PLAUR: variants seen among roughly 807,000 people sequenced by gnomAD.
PLAUR encodes the protein plasminogen activator, urokinase receptor.
PLAUR carries 22 observed loss-of-function variants against 33.4 expected under a neutral mutation model. That is an observed-to-expected ratio of 0.66 (90% CI 0.47 to 0.94). The LOEUF (loss-of-function observed/expected upper bound fraction) is 0.94. Ranked by LOEUF, PLAUR falls within the 40% of genes least tolerant of loss-of-function variation. The pLI is 0.00. For missense variants in PLAUR, 408 were observed against 434.7 expected (o/e 0.94, Z 0.55); for synonymous variants, 148 against 167.3 (o/e 0.88, Z 0.89).
intron 3 of PLAUR, among the ~76,000 whole-genome samples, chr19:43,657,745 A>C (rs1337968226): frequency 6.6e-6 from 1 of 152,216 alleles, no homozygotes; most frequent in Non-Finnish European, 1.5e-5. Flanking sequence ...ACTGTGTCCC[A>C]ACACCACCTG....
At chr19:43,660,169 G>GTTTTA (rs1416238242) in intron 3 of PLAUR, among the ~76,000 whole-genome samples, 1 of 151,162 alleles carries the variant, frequency 6.6e-6, no homozygotes, top group Non-Finnish European at 1.5e-5. Context: ...GTTTTGTTTT[G>GTTTTA]TTTTGTTTTG....
intron 6 of PLAUR, among the ~76,000 whole-genome samples, chr19:43,649,746 GAAA>G (rs145123727): frequency 6.6e-6 from 1 of 150,642 alleles, no homozygotes; most frequent in Non-Finnish European, 1.5e-5. Context: ...GAAAAGGAAA[GAAA>G]AAAAAAGAAA....
At chr19:43,655,212 G>A (rs762171131) in intron 5 of PLAUR, among the ~76,000 whole-genome samples, 61 of 132,976 alleles carry the variant, frequency 4.6e-4, no homozygotes, top group Middle Eastern at 4.3e-3. Context: ...GTGAGGCGAA[G>A]TTTACAGTGA....
chr19:43,666,286 A>G (rs1015990376), intron 2 of PLAUR, among the ~76,000 whole-genome samples: 23 of 152,110 alleles, frequency 1.5e-4, no homozygotes, highest in African/African-American at 5.3e-4. Flanking sequence ...ATATTCTGCA[A>G]CATTTTTTTC....
At chr19:43,662,732 T>C (rs1340457650) in intron 3 of PLAUR, among the ~76,000 whole-genome samples, 3 of 151,680 alleles carry the variant, frequency 2.0e-5, no homozygotes, top group Non-Finnish European at 4.4e-5. Context: ...TTTTTTTTTT[T>C]TTTGCAGGAT....
chr19:43,670,092 A>G lies in PLAUR; in HGVS notation c.29T>C (p.Leu10Pro). The G allele has an allele frequency of 6.2e-7, 1 of 1,612,744 alleles. No homozygotes were observed. The highest frequency in any genetic ancestry group is 8.5e-7 in the Non-Finnish European group (1 of 1,179,592). Residue 10 changes from leucine to proline, a missense_variant, in exon 1 of 7, where the codon CTG becomes CCG. Transcript: ENST00000340093. MGHPPLLPL[L>P]LLLHTCVPAS... Reference sequence around the variant, plus strand: ...TGGGACGCAGGTGTGGAGCAGCAGCAGCAGCGGCAGCAGCGGCGGGTGACC... The same window carrying G: ...TGGGACGCAGGTGTGGAGCAGCAGCGGCAGCGGCAGCAGCGGCGGGTGACC...
intron 3 of PLAUR, among the ~76,000 whole-genome samples, chr19:43,658,044 A>G (rs1600128316): frequency 6.9e-6 from 1 of 145,286 alleles, no homozygotes; most frequent in Non-Finnish European, 1.5e-5. Context: ...CTTTAAATTA[A>G]AAAAAAAAAA....
At chr19:43,646,612 A>G, downstream of PLAUR, 4 of 706,382 alleles carry the variant, frequency 5.7e-6, no homozygotes, top group Non-Finnish European at 1.1e-5. Flanking sequence ...TAGCACAGCA[A>G]AACTTCCACC....
chr19:43,662,948 C>T (rs1175862992), intron 3 of PLAUR, among the ~76,000 whole-genome samples: 1 of 152,108 alleles, frequency 6.6e-6, no homozygotes, highest in Non-Finnish European at 1.5e-5. Flanking sequence ...ACCTGGGCCT[C>T]CCAAAGTGTT....
chr19:43,656,643 G>A lies in PLAUR; in HGVS notation c.311-3C>T, dbSNP rs201907182. ...TCGGGAATAGGTGACAGCCCGGCCT[G>A]TTTGGAAGAGGGGGAGGGGAGTGAG... On this transcript the variant is annotated splice_region_variant and splice_polypyrimidine_tract_variant and intron_variant, in intron 3 of 6. Coordinates refer to ENST00000340093, the MANE Select transcript of PLAUR (RefSeq NM_002659.4). 106 of 1,587,942 alleles carry A rather than the reference G, an allele frequency of 6.7e-5. No individual in the cohort carries two copies. The highest frequency in any genetic ancestry group is 4.8e-4 in the Admixed American group (28 of 57,844).
chr19:43,656,704 A>G (rs1974229612), intron 3 of PLAUR, 64 bp from the exon 4 acceptor site: 1 of 1,366,804 alleles, frequency 7.3e-7, no homozygotes, highest in African/African-American at 1.5e-5. Context: ...CCAGCTCTGC[A>G]AGGACTCACT....
intron 3 of PLAUR, among the ~76,000 whole-genome samples, chr19:43,659,103 C>T (rs1368114017): frequency 6.6e-6 from 1 of 151,052 alleles, no homozygotes. Context: ...ACTCATGGGT[C>T]TCTGGTGTGA....
Position 43,670,116 on chromosome 19 carries a change from C to G in PLAUR, c.5G>C (p.Gly2Ala). The G allele has an allele frequency of 6.2e-7, 1 of 1,610,440 alleles. No homozygotes were observed. The highest frequency in any genetic ancestry group is 1.1e-5 in the South Asian group (1 of 91,002). Residue 2 changes from glycine to alanine, a missense_variant, in exon 1 of 7, where the codon GGT (glycine) becomes GCT (alanine). Coordinates refer to ENST00000340093, the MANE Select transcript of PLAUR (RefSeq NM_002659.4). Reference protein sequence around the residue: MGHPPLLPLLLL... With the variant: MAHPPLLPLLLL... ...CAGCAGCGGCAGCAGCGGCGGGTGA[C>G]CCATGTCGCGAGGGCAGCTCCTGTG...
At position 43,648,745 on chromosome 19, in the gene PLAUR, G is replaced by A; in HGVS notation, c.*145C>T. The A allele has an allele frequency of 1.0e-6, 1 of 975,752 alleles. No individual in the cohort carries two copies. The highest frequency in any genetic ancestry group is 1.5e-6 in the Non-Finnish European group (1 of 663,076). The allele number at this position is 975,752 out of a possible 1,614,324, so 60.4% of individuals were successfully genotyped here. The stretch of plus-strand genomic sequence containing the variant: ...CTGCTTCACACAACTTTGTGAGATA[G>A]CTGTTTTCATAGCTGGGAAAACTGA... On this transcript the variant is annotated 3_prime_UTR_variant, in exon 7 of 7. Coordinates refer to ENST00000340093, the MANE Select transcript of PLAUR (RefSeq NM_002659.4).
intron 3 of PLAUR, chr19:43,660,408 T>C (rs409337): frequency 0.47 from 70,430 of 150,444 alleles, 18,281 homozygotes; most frequent in Non-Finnish European, 0.59. Flanking sequence ...CTCCTGACCT[T>C]GTAATCCTCC....
At chr19:43,656,917 C>A (rs1974237845) in intron 3 of PLAUR, 2 of 280,212 alleles carry the variant, frequency 7.1e-6, no homozygotes, top group Non-Finnish European at 6.7e-6. Context: ...AGCATCTCCA[C>A]ATGGCCCTAG....
rs2146304882 is a variant in PLAUR at position 43,670,115 on chromosome 19, A to G, written c.6T>C (p.Gly2=). The change falls in exon 1 of 7, where the codon GGT becomes GGC. Residue 2 remains glycine (G), a synonymous_variant. Coordinates refer to ENST00000340093, the MANE Select transcript of PLAUR (RefSeq NM_002659.4). ...GCAGCAGCGGCAGCAGCGGCGGGTG[A>G]CCCATGTCGCGAGGGCAGCTCCTGT... is the stretch of plus-strand genomic sequence containing the variant. The part of the protein sequence containing the change: M[G]HPPLLPLLLL... The G allele has an allele frequency of 6.2e-7, 1 of 1,610,274 alleles. No homozygotes were observed. The highest frequency in any genetic ancestry group is 1.1e-5 in the South Asian group (1 of 91,006).
intron 1 of PLAUR, among the ~76,000 whole-genome samples, chr19:43,668,830 G>A (rs1319557620): frequency 1.3e-5 from 2 of 151,184 alleles, no homozygotes; most frequent in Non-Finnish European, 3.0e-5. Flanking sequence ...GCTCCGCCTC[G>A]AGGTTCTAGC....
rs753893509 is a variant in PLAUR at position 43,656,619 on chromosome 19, C to T, written c.332G>A (p.Arg111Gln). 1.9e-5 allele frequency: 31 copies of T among 1,606,756 alleles called. No homozygotes were observed. Among genetic ancestry groups the T allele is most frequent in the East Asian group, 9.0e-5 (4 of 44,560 alleles). Residue 111 changes from arginine (R) to glutamine (Q), a missense_variant, in exon 4 of 7, where the codon CGA (arginine) becomes CAA (glutamine). By Grantham distance (43) the Arg-to-Gln change is conservative. Coordinates refer to ENST00000340093, the MANE Select transcript of PLAUR (RefSeq NM_002659.4). ...GGAAATGCATTCGAGGTAACGGCTT[C>T]GGGAATAGGTGACAGCCCGGCCTGT... is the stretch of plus-strand genomic sequence containing the variant. ...GNSGRAVTYS[R>Q]SRYLECISCG...
Sources: gnomAD v4.1 joint callset for allele counts (sites outside exome capture counted in the v4.1 genomes callset) on GRCh38, gnomAD v4.1.1 for gene constraint, MANE v1.5 for transcripts, NCBI Gene and HGNC (gene_info 2026-07-23, HGNC 2026-07-21) for gene names.